The following EEFSEC variants were observed in gnomAD, a reference collection of about 807,000 sequenced individuals.
The protein encoded by EEFSEC is eukaryotic elongation factor, selenocysteine-tRNA specific.
A neutral mutation model predicts 42.1 loss-of-function variants in EEFSEC; 43 were observed. The observed-to-expected ratio is 1.02, with a 90% CI of 0.80 to 1.32. The LOEUF is 1.32. EEFSEC is among the 40% of genes most tolerant of loss of function. The pLI is 0.00. For synonymous variants in EEFSEC, 354 were observed against 339.1 expected (o/e 1.04, Z -0.48); for missense variants, 745 against 803.6 (o/e 0.93, Z 0.88).
At chr3:128,154,003 G>A in intron 1 of EEFSEC, 180 bp downstream of exon 1, 1 of 838,784 alleles carries the variant, frequency 1.2e-6, no homozygotes, top group Non-Finnish European at 1.7e-6. Flanking sequence ...GTGAGCGGAG[G>A]CTTTGAGATT....
chr3:128,396,139 T>C (rs1352711259), intron 6 of EEFSEC, among the ~76,000 whole-genome samples: 5 of 152,092 alleles, frequency 3.3e-5, no homozygotes, highest in Non-Finnish European at 5.9e-5. Flanking sequence ...GGGTCCCTCA[T>C]TCTAGAGGCA....
intron 4 of EEFSEC, among the ~76,000 whole-genome samples, chr3:128,318,561 G>T (rs2066973262): frequency 6.6e-6 from 1 of 152,202 alleles, no homozygotes; most frequent in Non-Finnish European, 1.5e-5. Flanking sequence ...CAGAGACCCA[G>T]TTAGAAATGG....
chr3:128,385,663 A>C (rs1576691047), intron 6 of EEFSEC, among the ~76,000 whole-genome samples: 1 of 152,206 alleles, frequency 6.6e-6, no homozygotes, highest in Non-Finnish European at 1.5e-5. Context: ...TCATTGACTT[A>C]TGAGTTCCAT....
intron 6 of EEFSEC, among the ~76,000 whole-genome samples, chr3:128,383,404 T>G (rs950287255): frequency 4.6e-5 from 7 of 152,264 alleles, no homozygotes; most frequent in Non-Finnish European, 2.9e-5. Flanking sequence ...GACCTTGCTT[T>G]GTGCCAGCCG....
intron 4 of EEFSEC, among the ~76,000 whole-genome samples, chr3:128,292,629 T>C (rs1015856947): frequency 6.6e-6 from 1 of 151,934 alleles, no homozygotes; most frequent in East Asian, 1.9e-4. Flanking sequence ...CTTTTAATGT[T>C]TTTTGAATCT....
chr3:128,188,247 G>C (rs1022232918), intron 1 of EEFSEC, among the ~76,000 whole-genome samples: 3 of 152,184 alleles, frequency 2.0e-5, no homozygotes, highest in African/African-American at 4.8e-5. Flanking sequence ...AGGGTACAGT[G>C]CAGTTTCAAG....
chr3:128,243,051 G>T lies in EEFSEC; in HGVS notation c.317-3785G>T, dbSNP rs1289664841. ...CTGATCAAAAGTTTGATGAAGAAAA[G>T]AAAGTAACTGAGAGCTGCTGCCAGG... On this transcript the variant is annotated intron_variant, in intron 1 of 6. Transcript: ENST00000254730. Among the ~76,000 whole-genome samples, 3 of 152,344 alleles carry T rather than the reference G, an allele frequency of 2.0e-5. No individual in the cohort carries two copies. The East Asian group carries it at 5.8e-4, about 29-fold the overall frequency.
intron 4 of EEFSEC, among the ~76,000 whole-genome samples, chr3:128,272,613 C>G (rs1233224684): frequency 2.0e-5 from 3 of 152,174 alleles, no homozygotes; most frequent in Admixed American, 1.3e-4. Context: ...TCAGGGCTAT[C>G]TGTTACTTTT....
At chr3:128,355,464 C>G (rs908056223) in intron 5 of EEFSEC, among the ~76,000 whole-genome samples, 1 of 151,886 alleles carries the variant, frequency 6.6e-6, no homozygotes, top group African/African-American at 2.4e-5. Context: ...GCATGAGGAC[C>G]CTGGGGGTGA....
chr3:128,232,178 G>A (rs2065965453), intron 1 of EEFSEC, among the ~76,000 whole-genome samples: 1 of 152,088 alleles, frequency 6.6e-6, no homozygotes, highest in Admixed American at 6.6e-5. Flanking sequence ...ATAAAGATTC[G>A]GAGGAAAAGT....
chr3:128,257,558 C>A (rs1475408410), intron 2 of EEFSEC, among the ~76,000 whole-genome samples: 1 of 152,206 alleles, frequency 6.6e-6, no homozygotes, highest in African/African-American at 2.4e-5. Flanking sequence ...AACCTCCCTG[C>A]AGGTCTTTTA....
chr3:128,158,960 A>G (rs906862563), intron 1 of EEFSEC, among the ~76,000 whole-genome samples: 4 of 152,236 alleles, frequency 2.6e-5, no homozygotes, highest in African/African-American at 9.6e-5. Context: ...ATTGTTGCTT[A>G]TCTTTTGTCT....
At chr3:128,220,476 G>C (rs1412272742) in intron 1 of EEFSEC, among the ~76,000 whole-genome samples, 1 of 152,148 alleles carries the variant, frequency 6.6e-6, no homozygotes, top group Admixed American at 6.5e-5. Flanking sequence ...CAGGAAACAA[G>C]AGACAACAAC....
intron 1 of EEFSEC, among the ~76,000 whole-genome samples, chr3:128,214,651 C>T (rs2065791239): frequency 6.6e-6 from 1 of 152,092 alleles, no homozygotes; most frequent in Non-Finnish European, 1.5e-5. Context: ...TTTGTGGCCA[C>T]CAGTTAAGAT....
chr3:128,380,949 C>G (rs1472647648), intron 6 of EEFSEC, among the ~76,000 whole-genome samples: 3 of 152,226 alleles, frequency 2.0e-5, no homozygotes, highest in Non-Finnish European at 4.4e-5. Flanking sequence ...ATGCAGCCAT[C>G]TGATAATCAG....
At chr3:128,418,725 G>A in the EEFSEC span, among the ~76,000 whole-genome samples, 6 of 151,974 alleles carry the variant, frequency 3.9e-5, no homozygotes, top group Non-Finnish European at 7.4e-5. Context: ...CCCTGTGGCC[G>A]GGGTGCCCTG....
chr3:128,160,414 C>T (rs2065171446), intron 1 of EEFSEC, among the ~76,000 whole-genome samples: 1 of 152,170 alleles, frequency 6.6e-6, no homozygotes, highest in South Asian at 2.1e-4. Flanking sequence ...AAAGATGAAG[C>T]TAGAAGGGTT....
the EEFSEC span, among the ~76,000 whole-genome samples, chr3:128,416,889 CCT>C: frequency 0.011 from 1,621 of 152,248 alleles, 22 homozygotes; most frequent in African/African-American, 0.037. Flanking sequence ...GGAGCTCACC[CCT>C]GTGTCATGGG....
the EEFSEC span, among the ~76,000 whole-genome samples, chr3:128,419,740 G>A: frequency 6.6e-6 from 1 of 152,208 alleles, no homozygotes; most frequent in African/African-American, 2.4e-5. Context: ...CCCAGCCCTT[G>A]TTTCCTGGAG....
Sources: gnomAD v4.1 joint callset for allele counts (sites outside exome capture counted in the v4.1 genomes callset) on GRCh38, gnomAD v4.1.1 for gene constraint, MANE v1.5 for transcripts, NCBI Gene and HGNC (gene_info 2026-07-23, HGNC 2026-07-21) for gene names.